The following SH2D4A variants were observed in gnomAD, a reference collection of about 807,000 sequenced individuals.
SH2D4A encodes SH2 domain-containing protein 4A.
In SH2D4A, 70 loss-of-function variants were observed where a neutral mutation model predicts 64.7. That is an observed-to-expected ratio of 1.08 (90% CI 0.89 to 1.32). SH2D4A has a LOEUF of 1.32. Ranked by LOEUF, SH2D4A falls within the 40% of genes most tolerant of loss-of-function variation. The probability of loss-of-function intolerance (pLI) is 0.00; values close to 1 mark genes in which losing one functional copy is unlikely to be tolerated. For synonymous variants in SH2D4A, 268 were observed against 200.7 expected (o/e 1.34, Z -2.83); for missense variants, 706 against 540.1 (o/e 1.31, Z -3.04).
chr8:19,326,256 A>G (rs1305461282), intron 2 of SH2D4A, among the ~76,000 whole-genome samples: 1 of 152,232 alleles, frequency 6.6e-6, no homozygotes, highest in Non-Finnish European at 1.5e-5. Flanking sequence ...AGTGACAGAT[A>G]GGGCATGGGC....
At chr8:19,335,099 C>T (rs1023552962) in intron 4 of SH2D4A, among the ~76,000 whole-genome samples, 16 of 151,838 alleles carry the variant, frequency 1.1e-4, no homozygotes, top group South Asian at 8.3e-4. Context: ...CTGGCTAACA[C>T]GGTGAAACCC....
intron 8 of SH2D4A, among the ~76,000 whole-genome samples, chr8:19,388,814 G>C (rs988643749): frequency 6.6e-6 from 1 of 152,108 alleles, no homozygotes; most frequent in Non-Finnish European, 1.5e-5. Context: ...ACTCTTTTTC[G>C]GTCATCTTCT....
At chr8:19,373,421 T>C in intron 7 of SH2D4A, 109 bp from the exon 8 acceptor site, 1 of 668,762 alleles carries the variant, frequency 1.5e-6, no homozygotes, top group East Asian at 3.1e-5. Context: ...TGTATATATA[T>C]GCATGTATAT....
intron 4 of SH2D4A, among the ~76,000 whole-genome samples, chr8:19,347,434 T>C (rs13271942): frequency 0.24 from 35,834 of 152,080 alleles, 4,789 homozygotes; most frequent in African/African-American, 0.36. Context: ...TCTATGTGGA[T>C]AGCCATCTGA....
chr8:19,382,536 A>C (rs1258779838), intron 8 of SH2D4A, among the ~76,000 whole-genome samples: 1 of 152,192 alleles, frequency 6.6e-6, no homozygotes, highest in African/African-American at 2.4e-5. Context: ...TGATTTTGCC[A>C]AACTGTAGGG....
intron 4 of SH2D4A, among the ~76,000 whole-genome samples, chr8:19,352,627 T>G (rs563576383): frequency 6.6e-5 from 10 of 152,302 alleles, no homozygotes. Flanking sequence ...AGCATACATA[T>G]GTTCTCTCTG....
chr8:19,365,505 C>T (rs1490862272), intron 7 of SH2D4A, among the ~76,000 whole-genome samples: 1 of 152,172 alleles, frequency 6.6e-6, no homozygotes, highest in African/African-American at 2.4e-5. Flanking sequence ...GCGACAGAGC[C>T]TCAGCAGGGA....
At chr8:19,378,880 A>G (rs894862051) in intron 8 of SH2D4A, among the ~76,000 whole-genome samples, 1 of 149,216 alleles carries the variant, frequency 6.7e-6, no homozygotes, top group Non-Finnish European at 1.5e-5. Context: ...TTCCATCTCT[A>G]CAAAAAAAAC....
chr8:19,381,108 G>A (rs564280195), intron 8 of SH2D4A, among the ~76,000 whole-genome samples: 2 of 151,606 alleles, frequency 1.3e-5, no homozygotes, highest in African/African-American at 4.8e-5. Context: ...GAAGTGCAGT[G>A]GTATGATCTT....
chr8:19,333,798 C>T (rs989415447), intron 3 of SH2D4A, among the ~76,000 whole-genome samples: 1 of 152,140 alleles, frequency 6.6e-6, no homozygotes, highest in Non-Finnish European at 1.5e-5. Flanking sequence ...GAAATCTGAA[C>T]CAAACCTTGA....
intron 8 of SH2D4A, among the ~76,000 whole-genome samples, chr8:19,391,039 A>G (rs1162218502): frequency 6.6e-6 from 1 of 152,038 alleles, no homozygotes; most frequent in Non-Finnish European, 1.5e-5. Flanking sequence ...GGAGGGAGAG[A>G]TCTTTTTCCA....
rs572458496 is a variant in SH2D4A, at chr8:19,367,782, T to G, written c.917+3500T>G. 6.6e-5 allele frequency among the ~76,000 whole-genome samples: 10 copies of G among 152,186 alleles called. 1 individual carries two copies. Among genetic ancestry groups the G allele is most frequent in the African/African-American group, 2.4e-4 (10 of 41,518 alleles). On this transcript the variant is annotated intron_variant, in intron 7 of 9. Coordinates refer to ENST00000265807, the MANE Select transcript of SH2D4A (RefSeq NM_022071.4). ...GCCTGTGCTTTTGAGGTGTTACTTTTTAAAAATCTGGGGCTAGGCGTGGTG... is the reference window on the plus strand; with the variant it reads ...GCCTGTGCTTTTGAGGTGTTACTTTGTAAAAATCTGGGGCTAGGCGTGGTG...
intron 8 of SH2D4A, among the ~76,000 whole-genome samples, chr8:19,385,218 T>G (rs1480634358): frequency 6.6e-6 from 1 of 151,804 alleles, no homozygotes; most frequent in African/African-American, 2.4e-5. Context: ...TTTTTGTTTT[T>G]TTTTTTTTTG....
intron 1 of SH2D4A, 170 bp downstream of exon 1, chr8:19,313,993 T>G: frequency 8.1e-7 from 1 of 1,233,390 alleles, no homozygotes; most frequent in Non-Finnish European, 1.0e-6. Flanking sequence ...CGGGGCGGGC[T>G]CAGGTGCGGG....
chr8:19,318,682 A>T (rs749634469), intron 1 of SH2D4A, among the ~76,000 whole-genome samples: 83 of 152,256 alleles, frequency 5.5e-4, no homozygotes, highest in Non-Finnish European at 9.1e-4. Flanking sequence ...GTGACCTTCC[A>T]GAATGTAGAT....
intron 1 of SH2D4A, among the ~76,000 whole-genome samples, chr8:19,318,294 T>A (rs1308996889): frequency 6.6e-6 from 1 of 152,238 alleles, no homozygotes; most frequent in East Asian, 1.9e-4. Context: ...CAAAGTCTTT[T>A]GTTTTCCAGA....
In SH2D4A at chr8:19,363,926, A is replaced by G. The variant is rs2052937882; in HGVS notation, c.707-146A>G. ...GGCAAGCCCTAATGGCCTGGATCATAGGTGTTGATAATGATTGTTCCTTAT... is the reference window on the plus strand; with the variant it reads ...GGCAAGCCCTAATGGCCTGGATCATGGGTGTTGATAATGATTGTTCCTTAT... On this transcript the variant is annotated intron_variant, in intron 6 of 9. Coordinates refer to ENST00000265807, the MANE Select transcript of SH2D4A (RefSeq NM_022071.4). 7.1e-6 allele frequency: 5 copies of G among 707,308 alleles called. No homozygotes were observed. In the South Asian group the frequency reaches 9.4e-5, roughly 13 times the overall value. 43.8% of individuals were successfully genotyped at this position (707,308 alleles called of 1,614,324 possible). A position where few individuals can be genotyped will look rare whatever the true frequency, so the allele number is the denominator to read the frequency against.
At chr8:19,350,352 G>A (rs952194113) in intron 4 of SH2D4A, among the ~76,000 whole-genome samples, 1 of 152,218 alleles carries the variant, frequency 6.6e-6, no homozygotes, top group Non-Finnish European at 1.5e-5. Flanking sequence ...GCATTGCTTA[G>A]TGGTGTTTTA....
At chr8:19,340,601 C>CTTTTTTT (rs535915285) in intron 4 of SH2D4A, among the ~76,000 whole-genome samples, 13 of 100,476 alleles carry the variant, frequency 1.3e-4, no homozygotes, top group African/African-American at 1.6e-4. Context: ...TTCTTTCTTT[C>CTTTTTTT]TTTTTTTTTT....
Sources: allele counts gnomAD v4.1 joint callset (sites outside exome capture counted in the v4.1 genomes callset), GRCh38; gene constraint gnomAD v4.1.1; transcripts MANE v1.5; gene names NCBI Gene and HGNC (gene_info 2026-07-23, HGNC 2026-07-21).